FUT9: variants seen among roughly 807,000 people sequenced by gnomAD.
The protein encoded by FUT9 is 4-galactosyl-N-acetylglucosaminide 3-alpha-L-fucosyltransferase 9.
FUT9 carries 15 observed loss-of-function variants against 29.7 expected under a neutral mutation model. The observed-to-expected ratio is 0.51, with a 90% CI of 0.34 to 0.78. The LOEUF (loss-of-function observed/expected upper bound fraction) is 0.78. Among genes scored for constraint, FUT9 ranks in the 30% least tolerant of loss-of-function variants. FUT9 has a pLI of 0.01. For missense variants in FUT9, 319 were observed against 425.4 expected, an observed-to-expected ratio of 0.75 and a Z score of 2.20; for synonymous variants, 169 against 153.7, an observed-to-expected ratio of 1.10 and a Z score of -0.74.
intron 1 of FUT9, among the ~76,000 whole-genome samples, chr6:96,113,776 C>T (rs1771857061): frequency 6.6e-6 from 1 of 150,558 alleles, no homozygotes; most frequent in South Asian, 2.1e-4. Flanking sequence ...ATGTCGTGAA[C>T]CAGGGAGGCG....
At chr6:96,054,923 T>C (rs1770735226) in intron 1 of FUT9, among the ~76,000 whole-genome samples, 1 of 152,170 alleles carries the variant, frequency 6.6e-6, no homozygotes, top group Admixed American at 6.5e-5. Flanking sequence ...TTTTTATCCT[T>C]TCTGATTTTG....
intron 2 of FUT9, among the ~76,000 whole-genome samples, chr6:96,130,712 A>T (rs990698111): frequency 6.6e-6 from 1 of 152,148 alleles, no homozygotes; most frequent in Non-Finnish European, 1.5e-5. Flanking sequence ...CTTTGACACA[A>T]TTTTAATTGA....
At chr6:96,194,703 A>AT (rs68110155) in intron 2 of FUT9, among the ~76,000 whole-genome samples, 32 of 150,648 alleles carry the variant, frequency 2.1e-4, no homozygotes, top group African/African-American at 7.8e-4. Context: ...AGAGTTTTGG[A>AT]TTTTTTTTTT....
At chr6:96,142,980 CT>C (rs1772492960) in intron 2 of FUT9, among the ~76,000 whole-genome samples, 1 of 151,930 alleles carries the variant, frequency 6.6e-6, no homozygotes, top group South Asian at 2.1e-4. Flanking sequence ...TCATAAAAGC[CT>C]GTGGTTTTGA....
intron 2 of FUT9, among the ~76,000 whole-genome samples, chr6:96,192,061 T>TA (rs1234658776): frequency 3.3e-5 from 5 of 152,074 alleles, no homozygotes; most frequent in Admixed American, 3.3e-4. Context: ...CTCAAAATAA[T>TA]AAGAGCTATT....
At chr6:96,159,502 T>C (rs900434995) in intron 2 of FUT9, among the ~76,000 whole-genome samples, 1 of 152,186 alleles carries the variant, frequency 6.6e-6, no homozygotes, top group Non-Finnish European at 1.5e-5. Context: ...TAGATGTCTG[T>C]AAAATGATTT....
chr6:96,063,595 C>T (rs1277514558), intron 1 of FUT9, among the ~76,000 whole-genome samples: 1 of 152,100 alleles, frequency 6.6e-6, no homozygotes, highest in Admixed American at 6.5e-5. Context: ...GATTTAGGCA[C>T]AGACAAATAT....
rs767295799 is a variant in FUT9, at chr6:96,210,019, T to C, written c.*5784T>C. 6.0e-6 allele frequency: 1 copy of C among 166,874 alleles called. No individual in the cohort carries two copies. Among genetic ancestry groups the C allele is most frequent in the Non-Finnish European group, 1.5e-5 (1 of 68,052 alleles). The allele number at this position is 166,874 out of a possible 1,614,324, so 10.3% of individuals were successfully genotyped here. A position where few individuals can be genotyped will look rare whatever the true frequency, so the allele number is the denominator to read the frequency against. On this transcript the variant is annotated 3_prime_UTR_variant, in exon 3 of 3. Transcript: ENST00000302103. ...TATGCCTTTGAAACTTCCTAGATCA[T>C]CTACATAAAAATCATTTGAAATATT...
chr6:96,140,160 T>C (rs1215125089), intron 2 of FUT9, among the ~76,000 whole-genome samples: 2 of 152,170 alleles, frequency 1.3e-5, no homozygotes, highest in African/African-American at 2.4e-5. Flanking sequence ...ACCACCAGTA[T>C]CTTTGCATAG....
At position 96,207,601 on chromosome 6, in the gene FUT9, T is replaced by C. The variant is rs1360616664; in HGVS notation, c.*3366T>C. 1.2e-5 allele frequency: 2 copies of C among 166,968 alleles called. No individual in the cohort carries two copies. The highest frequency in any genetic ancestry group is 2.9e-5 in the Non-Finnish European group (2 of 68,062). 10.3% of individuals were successfully genotyped at this position (166,968 alleles called of 1,614,324 possible). A position where few individuals can be genotyped will look rare whatever the true frequency, so the allele number is the denominator to read the frequency against. ...ACAGCCACTCCTTTAATAAATCCTG[T>C]GGGTTGCAATTCTTTGTAAGAAACT... On this transcript the variant is annotated 3_prime_UTR_variant, in exon 3 of 3. Coordinates refer to ENST00000302103, the MANE Select transcript of FUT9 (RefSeq NM_006581.4).
intron 2 of FUT9, among the ~76,000 whole-genome samples, chr6:96,149,594 C>T (rs992348033): frequency 2.0e-5 from 3 of 152,132 alleles, no homozygotes; most frequent in African/African-American, 7.2e-5. Context: ...TTGTAATTGT[C>T]AGCAGAGCTG....
At chr6:96,077,183 T>G (rs1368207242) in intron 1 of FUT9, among the ~76,000 whole-genome samples, 1 of 152,164 alleles carries the variant, frequency 6.6e-6, no homozygotes, top group African/African-American at 2.4e-5. Context: ...TTTTTGACTT[T>G]GTGTTATGGT....
At chr6:96,162,270 G>A (rs1772919349) in intron 2 of FUT9, among the ~76,000 whole-genome samples, 1 of 152,030 alleles carries the variant, frequency 6.6e-6, no homozygotes, top group Admixed American at 6.6e-5. Context: ...TACTTGAGAT[G>A]TAATCATTGT....
chr6:96,147,123 G>C (rs886649221), intron 2 of FUT9, among the ~76,000 whole-genome samples: 1 of 151,176 alleles, frequency 6.6e-6, no homozygotes, highest in East Asian at 1.9e-4. Context: ...ATAGTAGCAC[G>C]ATCTTTTCTC....
chr6:96,027,980 T>C (rs1391702221), intron 1 of FUT9, among the ~76,000 whole-genome samples: 1 of 151,654 alleles, frequency 6.6e-6, no homozygotes, highest in Non-Finnish European at 1.5e-5. Flanking sequence ...TTAGAACTTA[T>C]AAAATATGTG....
intron 1 of FUT9, among the ~76,000 whole-genome samples, chr6:96,017,813 G>A (rs1411473722): frequency 6.6e-6 from 1 of 152,148 alleles, no homozygotes; most frequent in Admixed American, 6.6e-5. Flanking sequence ...CTTGCAGTTG[G>A]TGGAGAGAGA....
chr6:96,123,476 G>T (rs1772071747), intron 2 of FUT9, among the ~76,000 whole-genome samples: 1 of 152,224 alleles, frequency 6.6e-6, no homozygotes, highest in Non-Finnish European at 1.5e-5. Flanking sequence ...GACGTCATTT[G>T]TAGAACTATG....
At chr6:96,085,077 C>T (rs1293514420) in intron 1 of FUT9, among the ~76,000 whole-genome samples, 1 of 151,942 alleles carries the variant, frequency 6.6e-6, no homozygotes, top group African/African-American at 2.4e-5. Context: ...TCGCATAAGG[C>T]TTTTATTTAA....
chr6:96,213,085 G>A lies in FUT9; in HGVS notation c.*8850G>A, dbSNP rs144544540. 8.1e-3 allele frequency: 1,358 copies of A among 166,914 alleles called. 11 individuals carry two copies. Among genetic ancestry groups the A allele is most frequent in the Admixed American group, 0.014 (219 of 15,250 alleles). The allele number at this position is 166,914 out of a possible 1,614,324, so 10.3% of individuals were successfully genotyped here. ...ACAGTGCACAAACTGCCATATATTC[G>A]TGCAGATGTTTTCTTCTTTTCTTAC... On this transcript the variant is annotated 3_prime_UTR_variant, in exon 3 of 3. Coordinates refer to ENST00000302103, the MANE Select transcript of FUT9 (RefSeq NM_006581.4).
Sources: allele counts gnomAD v4.1 joint callset (sites outside exome capture counted in the v4.1 genomes callset), GRCh38; gene constraint gnomAD v4.1.1; transcripts MANE v1.5; gene names NCBI Gene and HGNC (gene_info 2026-07-23, HGNC 2026-07-21).